The following HSPB8 variants were observed in gnomAD, a reference collection of about 807,000 sequenced individuals.
The protein encoded by HSPB8 is heat shock protein beta-8.
HSPB8 carries 9 observed loss-of-function variants against 16.5 expected under a neutral mutation model. The observed-to-expected ratio is 0.55, with a 90% CI of 0.33 to 0.95. HSPB8 has a LOEUF of 0.95. HSPB8 is among the 40% of genes least tolerant of loss of function. The probability of loss-of-function intolerance (pLI) is 0.03; values close to 1 mark genes in which losing one functional copy is unlikely to be tolerated. For missense variants in HSPB8, 238 were observed against 251.2 expected (o/e 0.95, Z 0.35); for synonymous variants, 99 against 94.8 (o/e 1.04, Z -0.26).
intron 1 of HSPB8, among the ~76,000 whole-genome samples, chr12:119,183,807 C>A (rs1231727231): frequency 6.6e-6 from 1 of 152,130 alleles, no homozygotes; most frequent in African/African-American, 2.4e-5. Context: ...TTGGAGCTTT[C>A]CCTGCTCAGA....
intron 2 of HSPB8, among the ~76,000 whole-genome samples, chr12:119,189,583 G>A (rs567431527): frequency 6.6e-6 from 1 of 152,110 alleles, no homozygotes; most frequent in Non-Finnish European, 1.5e-5. Context: ...TAAGAAGCAT[G>A]CAACCTAGAT....
At position 119,185,894 on chromosome 12, in the gene HSPB8, A is replaced by G. The variant is rs573543293; in HGVS notation, c.368-1131A>G. 2.6e-5 allele frequency among the ~76,000 whole-genome samples: 4 copies of G among 152,344 alleles called. No individual in the cohort carries two copies. In the East Asian group the frequency reaches 5.8e-4, roughly 22 times the overall value. ...TCAGTTTAAAAAAATCTGGACTGCTATATTCAACAAAGTTGTTTACATTCT... is the reference window on the plus strand; with the variant it reads ...TCAGTTTAAAAAAATCTGGACTGCTGTATTCAACAAAGTTGTTTACATTCT... On this transcript the variant is annotated intron_variant, in intron 1 of 2. Coordinates refer to ENST00000281938, the MANE Select transcript of HSPB8 (RefSeq NM_014365.3).
chr12:119,194,057 G>A lies in HSPB8; in HGVS notation c.*199G>A. 1.6e-6 allele frequency: 1 copy of A among 640,988 alleles called. No individual in the cohort carries two copies. Among genetic ancestry groups the A allele is most frequent in the Admixed American group, 2.5e-5 (1 of 39,394 alleles). 39.7% of individuals were successfully genotyped at this position (640,988 alleles called of 1,614,324 possible). ...TAGCGCAATTGGCAAATCATGCTTGGTTGTGTTAGGCCAAAATACTAGTTT... is the reference window on the plus strand; with the variant it reads ...TAGCGCAATTGGCAAATCATGCTTGATTGTGTTAGGCCAAAATACTAGTTT... On this transcript the variant is annotated 3_prime_UTR_variant, in exon 3 of 3. Transcript: ENST00000281938.
chr12:119,183,997 C>T (rs987323718), intron 1 of HSPB8, among the ~76,000 whole-genome samples: 1 of 152,178 alleles, frequency 6.6e-6, no homozygotes, highest in Admixed American at 6.5e-5. Flanking sequence ...TACGGTAACC[C>T]GGTAAGATAG....
At chr12:119,190,780 G>A (rs1040300253) in intron 2 of HSPB8, among the ~76,000 whole-genome samples, 2 of 152,094 alleles carry the variant, frequency 1.3e-5, no homozygotes, top group African/African-American at 2.4e-5. Context: ...AGATAATATT[G>A]CCTGCCTAAG....
chr12:119,191,344 T>G (rs1954710937), intron 2 of HSPB8, among the ~76,000 whole-genome samples: 1 of 152,150 alleles, frequency 6.6e-6, no homozygotes, highest in Non-Finnish European at 1.5e-5. Context: ...GTACCTGGTG[T>G]GCACTGGGTT....
intron 2 of HSPB8, among the ~76,000 whole-genome samples, chr12:119,190,672 A>G (rs1449642412): frequency 6.6e-6 from 1 of 152,040 alleles, no homozygotes; most frequent in Non-Finnish European, 1.5e-5. Flanking sequence ...AGATCATCTC[A>G]TTTTTGATAA....
chr12:119,193,670 A>G, intron 2 of HSPB8, 29 bp from the exon 3 acceptor site: 1 of 1,611,436 alleles, frequency 6.2e-7, no homozygotes, highest in Non-Finnish European at 8.5e-7. Flanking sequence ...TAACAACAAT[A>G]AATGAATAAA....
chr12:119,186,832 C>T (rs1954679060), intron 1 of HSPB8, 193 bp from the exon 2 acceptor site: 10 of 620,524 alleles, frequency 1.6e-5, no homozygotes, highest in Non-Finnish European at 2.6e-5. Context: ...CCTTCATAGC[C>T]AGCCTTGGAA....
Position 119,187,057 on chromosome 12 carries a change from A to T in HSPB8, c.400A>T (p.Ile134Phe). ...TGAAGAGAAACAGCAAGAAGGTGGC[A>T]TTGTTTCTAAGAACTTCACAAAGAA... Reference protein sequence around the residue: ...KHEEKQQEGGIVSKNFTKKIQ... With the variant: ...KHEEKQQEGGFVSKNFTKKIQ... Residue 134 changes from isoleucine (I) to phenylalanine (F), a missense_variant, in exon 2 of 3, where the codon ATT (isoleucine) becomes TTT (phenylalanine). By Grantham distance (21) the Ile-to-Phe change is conservative. Transcript: ENST00000281938. The T allele has an allele frequency of 6.2e-7, 1 of 1,614,124 alleles. No individual in the cohort carries two copies. The highest frequency in any genetic ancestry group is 8.5e-7 in the Non-Finnish European group (1 of 1,180,000).
rs1592928917 is a variant in HSPB8, at chr12:119,182,690, G to A, written c.367+3011G>A. Among the ~76,000 whole-genome samples the A allele has an allele frequency of 5.3e-5, 8 of 152,164 alleles. No individual in the cohort carries two copies. The South Asian group carries it at 1.7e-3, about 32-fold the overall frequency. On this transcript the variant is annotated intron_variant, in intron 1 of 2. Transcript: ENST00000281938. ...AAAAAGCAATTTTCAAGGGAAGTTG[G>A]AAGTCAGATCCAGTTTCCCACCCTA...
At position 119,185,627 on chromosome 12, in the gene HSPB8, C is replaced by T. The variant is rs568950783; in HGVS notation, c.368-1398C>T. On this transcript the variant is annotated intron_variant, in intron 1 of 2. Coordinates refer to ENST00000281938, the MANE Select transcript of HSPB8 (RefSeq NM_014365.3). ...GATTACAGGCATAAGTCACCACGCC[C>T]TGCCTATTATTATTATTATTATTAT... 4.0e-4 allele frequency among the ~76,000 whole-genome samples: 59 copies of T among 148,396 alleles called. 1 individual carries two copies. In the South Asian group the frequency reaches 0.013, roughly 32 times the overall value.
Position 119,194,472 on chromosome 12 carries a change from G to T in HSPB8, c.*614G>T. 6.2e-6 allele frequency: 1 copy of T among 161,386 alleles called. No homozygotes were observed. The highest frequency in any genetic ancestry group is 1.3e-5 in the Non-Finnish European group (1 of 74,214). 10.0% of individuals were successfully genotyped at this position (161,386 alleles called of 1,614,324 possible). ...AGTTTCCACATTAGCACTCCCTAAG[G>T]ACGCTGGGAGCCTGTCAGTTTATGA... is the stretch of plus-strand genomic sequence containing the variant. On this transcript the variant is annotated 3_prime_UTR_variant, in exon 3 of 3. Coordinates refer to ENST00000281938, the MANE Select transcript of HSPB8 (RefSeq NM_014365.3).
intron 1 of HSPB8, among the ~76,000 whole-genome samples, chr12:119,183,655 A>C (rs2136082218): frequency 6.6e-6 from 1 of 152,364 alleles, no homozygotes; most frequent in East Asian, 1.9e-4. Flanking sequence ...GCAAAATAAG[A>C]AATTAAAAAT....
rs377147867 is a variant in HSPB8 at position 119,179,278 on chromosome 12, T to A, written c.-35T>A. 1.4e-4 allele frequency: 228 copies of A among 1,610,304 alleles called. No individual in the cohort carries two copies. In the African/African-American group the frequency reaches 2.8e-3, roughly 20 times the overall value. On this transcript the variant is annotated 5_prime_UTR_variant, in exon 1 of 3. Coordinates refer to ENST00000281938, the MANE Select transcript of HSPB8 (RefSeq NM_014365.3). ...CCTTGGGCAGGTGGTTCTGTCTCTC[T>A]GAGCCTCTGTTTCTCTCTGAGCTGA...
intron 2 of HSPB8, among the ~76,000 whole-genome samples, chr12:119,191,808 C>T (rs1016174871): frequency 2.6e-5 from 4 of 152,118 alleles, no homozygotes; most frequent in African/African-American, 9.7e-5. Context: ...GGCAGGAGAG[C>T]ATCATGGTCA....
At chr12:119,182,064 C>T (rs1236335947) in intron 1 of HSPB8, 1 of 152,116 alleles carries the variant, frequency 6.6e-6, no homozygotes, top group Non-Finnish European at 1.5e-5. Context: ...TTTCACCATC[C>T]TCTTTTGTAG....
chr12:119,187,096 A>G lies in HSPB8; in HGVS notation c.431+8A>G. On this transcript the variant is annotated splice_region_variant and intron_variant, in intron 2 of 2. Coordinates refer to ENST00000281938, the MANE Select transcript of HSPB8 (RefSeq NM_014365.3). The stretch of plus-strand genomic sequence containing the variant: ...CTTCACAAAGAAAATCCAGTAAGTA[A>G]CCTGGAGTCATGGAGCTCAGGGTGG... 5 of 1,611,618 alleles carry G rather than the reference A, an allele frequency of 3.1e-6. No homozygotes were observed. Among genetic ancestry groups the G allele is most frequent in the Non-Finnish European group, 4.2e-6 (5 of 1,177,800 alleles).
At chr12:119,192,632 G>T (rs1954719209) in intron 2 of HSPB8, among the ~76,000 whole-genome samples, 1 of 152,000 alleles carries the variant, frequency 6.6e-6, no homozygotes, top group Non-Finnish European at 1.5e-5. Flanking sequence ...CTCCAGCCTA[G>T]GTGACAGAGT....
Sources: gnomAD v4.1 joint callset for allele counts (sites outside exome capture counted in the v4.1 genomes callset) on GRCh38, gnomAD v4.1.1 for gene constraint, MANE v1.5 for transcripts, NCBI Gene and HGNC (gene_info 2026-07-23, HGNC 2026-07-21) for gene names.